The following GLI3 variants were observed in gnomAD, a reference collection of about 807,000 sequenced individuals.
GLI3 encodes transcription activator GLI3.
GLI3 carries 20 observed loss-of-function variants against 100.8 expected under a neutral mutation model. The observed-to-expected ratio is 0.20, with a 90% CI of 0.14 to 0.29. The LOEUF is 0.29. Ranked by LOEUF, GLI3 falls within the 10% of genes least tolerant of loss-of-function variation. GLI3 has a pLI of 1.00. For synonymous variants in GLI3, 938 were observed against 860.5 expected, an observed-to-expected ratio of 1.09 and a Z score of -1.58; for missense variants, 2,040 against 2,128.5, an observed-to-expected ratio of 0.96 and a Z score of 0.82.
intron 4 of GLI3, among the ~76,000 whole-genome samples, chr7:42,055,733 G>T (rs1425859315): frequency 6.6e-6 from 1 of 152,092 alleles, no homozygotes; most frequent in East Asian, 1.9e-4. Context: ...CATCTTTGTA[G>T]CTATGAAATA....
chr7:42,068,438 T>G (rs998975096), intron 4 of GLI3, among the ~76,000 whole-genome samples: 1 of 152,172 alleles, frequency 6.6e-6, no homozygotes. Context: ...TTCTCAGAGC[T>G]CCAAGGATGA....
chr7:42,065,666 A>G (rs1230237843), intron 4 of GLI3, among the ~76,000 whole-genome samples: 1 of 152,170 alleles, frequency 6.6e-6, no homozygotes, highest in African/African-American at 2.4e-5. Flanking sequence ...AAGGCAATCC[A>G]TTTTATGCAA....
chr7:42,247,374 G>A (rs1160760100), intron 1 of GLI3, among the ~76,000 whole-genome samples: 3 of 152,108 alleles, frequency 2.0e-5, no homozygotes, highest in Admixed American at 6.5e-5. Flanking sequence ...GTGGTGATCA[G>A]TGTGGGTTTC....
chr7:42,156,085 G>A (rs1786996631), intron 2 of GLI3, among the ~76,000 whole-genome samples: 1 of 152,120 alleles, frequency 6.6e-6, no homozygotes, highest in African/African-American at 2.4e-5. Context: ...ACAAACCCAA[G>A]GGTACTAACC....
chr7:42,204,847 C>T (rs1171194105), intron 2 of GLI3, among the ~76,000 whole-genome samples: 1 of 152,134 alleles, frequency 6.6e-6, no homozygotes, highest in African/African-American at 2.4e-5. Context: ...CCGAGACTCT[C>T]CTTCGGGAAA....
intron 3 of GLI3, among the ~76,000 whole-genome samples, chr7:42,093,302 C>T (rs1037219664): frequency 1.3e-5 from 2 of 150,902 alleles, no homozygotes. Context: ...TCACTTGAAC[C>T]CGGGAGGCGG....
intron 6 of GLI3, among the ~76,000 whole-genome samples, chr7:42,042,707 C>T (rs957939654): frequency 3.9e-5 from 6 of 152,302 alleles, no homozygotes; most frequent in African/African-American, 1.4e-4. Context: ...GGGTGAGGGG[C>T]CTCTCAAGAC....
intron 2 of GLI3, among the ~76,000 whole-genome samples, chr7:42,198,855 A>C (rs1787981880): frequency 1.3e-5 from 2 of 152,154 alleles, no homozygotes; most frequent in Non-Finnish European, 2.9e-5. Context: ...GCACTTTAAA[A>C]ACAACCAGAT....
intron 3 of GLI3, among the ~76,000 whole-genome samples, chr7:42,112,699 T>C (rs1785743370): frequency 6.6e-6 from 1 of 152,188 alleles, no homozygotes; most frequent in Non-Finnish European, 1.5e-5. Context: ...ACTATAAGGA[T>C]GCCTGACATT....
intron 3 of GLI3, among the ~76,000 whole-genome samples, chr7:42,088,237 T>C (rs1785145375): frequency 1.3e-5 from 2 of 152,212 alleles, no homozygotes; most frequent in African/African-American, 4.8e-5. Flanking sequence ...GAAATACCTT[T>C]CTTCTTTAGA....
intron 4 of GLI3, 86 bp downstream of exon 4, chr7:42,076,666 T>G (rs1013791616): frequency 7.2e-6 from 6 of 838,538 alleles, no homozygotes; most frequent in Non-Finnish European, 1.1e-5. Flanking sequence ...CAAAGCCCAG[T>G]GGACATGCCA....
At chr7:42,186,807 C>T (rs1787724725) in intron 2 of GLI3, among the ~76,000 whole-genome samples, 1 of 152,212 alleles carries the variant, frequency 6.6e-6, no homozygotes. Context: ...TAAACCACCA[C>T]ATCTCATTTT....
intron 1 of GLI3, among the ~76,000 whole-genome samples, chr7:42,247,985 A>G (rs1279401269): frequency 6.6e-6 from 1 of 152,244 alleles, no homozygotes; most frequent in Non-Finnish European, 1.5e-5. Flanking sequence ...TCTGATAGAA[A>G]TATGTACCAT....
intron 1 of GLI3, among the ~76,000 whole-genome samples, chr7:42,251,137 C>T (rs1789026488): frequency 6.6e-6 from 1 of 152,332 alleles, no homozygotes; most frequent in African/African-American, 2.4e-5. Flanking sequence ...CCTGGGGCAA[C>T]ACTGGGCCTT....
chr7:42,221,992 C>T (rs1032856319), intron 2 of GLI3, among the ~76,000 whole-genome samples: 9 of 152,232 alleles, frequency 5.9e-5, no homozygotes, highest in Non-Finnish European at 1.0e-4. Flanking sequence ...CCAGCTCCTT[C>T]CCTACCCAGT....
chr7:42,023,110 C>A (rs561740171), intron 10 of GLI3, among the ~76,000 whole-genome samples: 1 of 152,040 alleles, frequency 6.6e-6, no homozygotes. Context: ...CCATTGTTAC[C>A]GGGTCTTGGA....
Position 41,966,663 on chromosome 7 carries a change from GAC to G in GLI3, c.2432-24_2432-23del, listed in dbSNP as rs1562660283. ...GTGCCTGGAGACAGAGAAAGGGAGA[GAC>G]CATGCGGAGATGAATTCCCTTCGAG... On this transcript the variant is annotated intron_variant, in intron 14 of 14. Coordinates refer to ENST00000395925, the MANE Select transcript of GLI3 (RefSeq NM_000168.6). This position sits in a 1 kb window ranked among gnomAD's most constrained non-coding sequence, Gnocchi z 5.8. 3.1e-6 allele frequency: 5 copies of G among 1,613,108 alleles called. No individual in the cohort carries two copies. The Admixed American group carries it at 8.3e-5, about 27-fold the overall frequency.
chr7:42,155,354 G>A (rs1325627648), intron 2 of GLI3, among the ~76,000 whole-genome samples: 2 of 151,528 alleles, frequency 1.3e-5, no homozygotes, highest in African/African-American at 2.4e-5. Context: ...CAGGAGAATC[G>A]CTTGAACCCA....
At chr7:42,154,601 G>A (rs934107956) in intron 2 of GLI3, among the ~76,000 whole-genome samples, 3 of 152,108 alleles carry the variant, frequency 2.0e-5, no homozygotes, top group Admixed American at 1.3e-4. Context: ...CCAAGTCCTC[G>A]CTCCCTGTTT....
Sources: gnomAD v4.1 joint callset for allele counts (sites outside exome capture counted in the v4.1 genomes callset) on GRCh38, gnomAD v4.1.1 for gene constraint, Gnocchi (gnomAD v3.1) non-coding constraint, MANE v1.5 for transcripts, NCBI Gene and HGNC (gene_info 2026-07-23, HGNC 2026-07-21) for gene names.